Variants in BCKDHB observed in about 807,000 individuals in gnomAD.
BCKDHB encodes the protein 2-oxoisovalerate dehydrogenase subunit beta, mitochondrial.
In BCKDHB, 41 loss-of-function variants were observed where a neutral mutation model predicts 48.5. That is an observed-to-expected ratio of 0.85 (90% CI 0.66 to 1.10). The LOEUF (loss-of-function observed/expected upper bound fraction) is 1.10, where lower values mean the gene tolerates loss of function less well. BCKDHB is among the 50% of genes least tolerant of loss of function. The pLI, the probability that BCKDHB is intolerant of heterozygous loss-of-function variation, is 0.00. For synonymous variants in BCKDHB, 201 were observed against 174.8 expected, an observed-to-expected ratio of 1.15 and a Z score of -1.18; for missense variants, 496 against 494.2, an observed-to-expected ratio of 1.00 and a Z score of -0.03.
intron 8 of BCKDHB, among the ~76,000 whole-genome samples, chr6:80,231,018 T>C (rs1775902743): frequency 6.6e-6 from 1 of 152,202 alleles, no homozygotes; most frequent in South Asian, 2.1e-4. Flanking sequence ...AATAAATCAG[T>C]GGATGTGACT....
the BCKDHB span, among the ~76,000 whole-genome samples, chr6:80,361,237 G>A: frequency 1.3e-5 from 2 of 152,122 alleles, no homozygotes; most frequent in South Asian, 2.1e-4. Flanking sequence ...CCAGCTTGGC[G>A]TCACATAATT....
At chr6:80,167,924 A>G in intron 4 of BCKDHB, 113 bp downstream of exon 4, 7 of 1,068,010 alleles carry the variant, frequency 6.6e-6, no homozygotes, top group Non-Finnish European at 9.7e-6. Context: ...CCTTTTACTA[A>G]TGTATTACAA....
At chr6:80,216,695 G>A (rs566448630) in intron 8 of BCKDHB, among the ~76,000 whole-genome samples, 1 of 152,216 alleles carries the variant, frequency 6.6e-6, no homozygotes, top group East Asian at 1.9e-4. Flanking sequence ...TATGTTCTTA[G>A]TTTAACATTT....
chr6:80,398,928 T>C, the BCKDHB span, among the ~76,000 whole-genome samples: 8 of 152,200 alleles, frequency 5.3e-5, no homozygotes, highest in African/African-American at 1.7e-4. Context: ...CTGGGATGGA[T>C]GCATGGTTGG....
chr6:80,154,790 T>A (rs1199799957), intron 3 of BCKDHB, among the ~76,000 whole-genome samples: 2 of 152,140 alleles, frequency 1.3e-5, no homozygotes, highest in African/African-American at 4.8e-5. Flanking sequence ...AAGATTGATA[T>A]AGTAAGTTTG....
At chr6:80,367,924 C>G in the BCKDHB span, among the ~76,000 whole-genome samples, 2 of 152,194 alleles carry the variant, frequency 1.3e-5, no homozygotes, top group African/African-American at 2.4e-5. Context: ...TTCAAAGATA[C>G]ATTTTTTTAA....
At chr6:80,371,846 A>G in the BCKDHB span, among the ~76,000 whole-genome samples, 17 of 151,906 alleles carry the variant, frequency 1.1e-4, no homozygotes, top group African/African-American at 3.9e-4. Context: ...CTATATACCT[A>G]TTTTTATACC....
At chr6:80,246,208 A>G (rs1293989364) in intron 8 of BCKDHB, among the ~76,000 whole-genome samples, 6 of 152,236 alleles carry the variant, frequency 3.9e-5, no homozygotes, top group South Asian at 2.1e-4. Context: ...TTGTTAAGCA[A>G]TAAAGAGAAA....
chr6:80,294,444 A>G (rs1015921808), intron 9 of BCKDHB, among the ~76,000 whole-genome samples: 1 of 152,170 alleles, frequency 6.6e-6, no homozygotes, highest in Non-Finnish European at 1.5e-5. Context: ...AGGGAAGACA[A>G]CCGTTAGGTC....
chr6:80,273,032 T>G (rs1480165881), intron 8 of BCKDHB, 103 bp from the exon 9 acceptor site: 1 of 859,574 alleles, frequency 1.2e-6, no homozygotes, highest in African/African-American at 1.7e-5. Context: ...TTTACACTAT[T>G]TATTGAATGT....
chr6:80,396,948 G>A, the BCKDHB span, among the ~76,000 whole-genome samples: 1 of 152,128 alleles, frequency 6.6e-6, no homozygotes, highest in Non-Finnish European at 1.5e-5. Flanking sequence ...ATATTTCAGA[G>A]CCAAGTTAGA....
chr6:80,136,730 A>G (rs1180498032), intron 3 of BCKDHB, among the ~76,000 whole-genome samples: 2 of 152,094 alleles, frequency 1.3e-5, no homozygotes, highest in Non-Finnish European at 2.9e-5. Flanking sequence ...TCCAGAATAT[A>G]TGGAGAACTT....
rs1770415677 is a variant in BCKDHB at position 80,127,640 on chromosome 6, G to T, written c.274+16G>T. The T allele has an allele frequency of 1.3e-6, 2 of 1,599,612 alleles. No homozygotes were observed. The highest frequency in any genetic ancestry group is 2.2e-5 in the South Asian group (2 of 90,784). Reference sequence around the variant, plus strand: ...CCTACTGCAGGTAACCCTGATATGTGCCTGAATTGTGGTAGCTGTGTTAAT... The same window carrying T: ...CCTACTGCAGGTAACCCTGATATGTTCCTGAATTGTGGTAGCTGTGTTAAT... On this transcript the variant is annotated intron_variant, in intron 2 of 9. Transcript: ENST00000320393.
chr6:80,198,835 A>G (rs1774250565), intron 6 of BCKDHB, among the ~76,000 whole-genome samples: 1 of 152,240 alleles, frequency 6.6e-6, no homozygotes. Flanking sequence ...TATAAGCGGA[A>G]GAAATTTATT....
chr6:80,118,295 G>T (rs1283892156), intron 1 of BCKDHB, among the ~76,000 whole-genome samples: 1 of 152,138 alleles, frequency 6.6e-6, no homozygotes, highest in East Asian at 1.9e-4. Context: ...ATATTAACAT[G>T]TTTACATTGT....
the BCKDHB span, among the ~76,000 whole-genome samples, chr6:80,428,133 T>C: frequency 3.2e-4 from 49 of 152,206 alleles, no homozygotes; most frequent in East Asian, 7.6e-3. Flanking sequence ...TTTGGTTTTC[T>C]GTTCTTGTAT....
At chr6:80,304,665 C>T (rs541913377) in intron 9 of BCKDHB, among the ~76,000 whole-genome samples, 63 of 152,246 alleles carry the variant, frequency 4.1e-4, no homozygotes, top group African/African-American at 1.4e-3. Flanking sequence ...AAATCAATCT[C>T]ACTCAGAAAC....
the BCKDHB span, among the ~76,000 whole-genome samples, chr6:80,440,334 T>C: frequency 6.6e-6 from 1 of 152,212 alleles, no homozygotes; most frequent in Non-Finnish European, 1.5e-5. Flanking sequence ...AGTTTATGAC[T>C]AACTTTACCA....
chr6:80,318,216 T>C (rs1229299084), intron 9 of BCKDHB, among the ~76,000 whole-genome samples: 4 of 152,182 alleles, frequency 2.6e-5, no homozygotes, highest in Non-Finnish European at 4.4e-5. Context: ...ATGTGCAAGA[T>C]GTGGGGAGAA....
Sources: gnomAD v4.1 joint callset for allele counts (sites outside exome capture counted in the v4.1 genomes callset) on GRCh38, gnomAD v4.1.1 for gene constraint, MANE v1.5 for transcripts, NCBI Gene and HGNC (gene_info 2026-07-23, HGNC 2026-07-21) for gene names.